The following UBA6 variants were observed in gnomAD, a reference collection of about 807,000 sequenced individuals.
The protein encoded by UBA6 is ubiquitin like modifier activating enzyme 6.
UBA6 carries 87 observed loss-of-function variants against 148.3 expected under a neutral mutation model. The ratio of observed to expected loss-of-function variants is 0.59; its 90% CI spans 0.49 to 0.70. The LOEUF (loss-of-function observed/expected upper bound fraction) is 0.70, where lower values mean the gene tolerates loss of function less well. Among genes scored for constraint, UBA6 ranks in the 30% least tolerant of loss-of-function variants. The probability of loss-of-function intolerance (pLI) is 0.00; values close to 1 mark genes in which losing one functional copy is unlikely to be tolerated. For synonymous variants in UBA6, 376 were observed against 401.0 expected (o/e 0.94, Z 0.75); for missense variants, 1,186 against 1,241.2 (o/e 0.96, Z 0.67).
intron 27 of UBA6, among the ~76,000 whole-genome samples, chr4:67,627,310 T>C (rs1324755510): frequency 6.6e-6 from 1 of 151,980 alleles, no homozygotes; most frequent in African/African-American, 2.4e-5. Flanking sequence ...GGCTAGTTGA[T>C]ATTTTTGGCT....
At chr4:67,687,040 T>TTG (rs1193832265) in intron 2 of UBA6, among the ~76,000 whole-genome samples, 1 of 144,878 alleles carries the variant, frequency 6.9e-6, no homozygotes, top group African/African-American at 2.6e-5. Context: ...CTATGTTTTT[T>TTG]TTTTTTTTTT....
intron 13 of UBA6, among the ~76,000 whole-genome samples, chr4:67,659,770 A>G (rs1420993630): frequency 6.6e-6 from 1 of 152,052 alleles, no homozygotes; most frequent in Non-Finnish European, 1.5e-5. Context: ...AGAGGTTGGA[A>G]TAGTTTGGAG....
chr4:67,678,553 A>T lies in UBA6; in HGVS notation c.259-20T>A, dbSNP rs1326468137. The T allele has an allele frequency of 3.3e-6, 5 of 1,503,544 alleles. No homozygotes were observed. The highest frequency in any genetic ancestry group is 4.6e-6 in the Non-Finnish European group (5 of 1,091,370). 93.1% of individuals were successfully genotyped at this position (1,503,544 alleles called of 1,614,324 possible). A position where few individuals can be genotyped will look rare whatever the true frequency, so the allele number is the denominator to read the frequency against. Reference sequence around the variant, plus strand: ...AACTGCCTTCAAAAAAGAAAAAAGTATTGGTTGAAGTCAGGAGTTCAAGGA... The same window carrying T: ...AACTGCCTTCAAAAAAGAAAAAAGTTTTGGTTGAAGTCAGGAGTTCAAGGA... On this transcript the variant is annotated intron_variant, in intron 4 of 32. Coordinates refer to ENST00000322244, the MANE Select transcript of UBA6 (RefSeq NM_018227.6).
At chr4:67,642,781 C>T (rs530064362) in intron 17 of UBA6, among the ~76,000 whole-genome samples, 9 of 151,936 alleles carry the variant, frequency 5.9e-5, no homozygotes, top group African/African-American at 2.2e-4. Context: ...ACTTGTCTTT[C>T]TTTAACTCTG....
rs1295503183 is a variant in UBA6 at position 67,618,911 on chromosome 4, T to C, written c.*86A>G. ...CTTAATGAAAGAGAAATCCATAGTA[T>C]TATGAACTGATTTTCTTTAGCTTCT... is the stretch of plus-strand genomic sequence containing the variant. On this transcript the variant is annotated 3_prime_UTR_variant, in exon 33 of 33. Coordinates refer to ENST00000322244, the MANE Select transcript of UBA6 (RefSeq NM_018227.6). The C allele has an allele frequency of 6.0e-6, 8 of 1,344,526 alleles. No individual in the cohort carries two copies. The highest frequency in any genetic ancestry group is 1.5e-5 in the African/African-American group (1 of 68,288). The allele number at this position is 1,344,526 out of a possible 1,614,324, so 83.3% of individuals were successfully genotyped here.
chr4:67,646,609 A>G, intron 15 of UBA6, 115 bp downstream of exon 15: 1 of 724,200 alleles, frequency 1.4e-6, no homozygotes, highest in Non-Finnish European at 2.3e-6. Context: ...AAGTAGAGAA[A>G]AAACAACTAC....
At position 67,619,001 on chromosome 4, in the gene UBA6, T is replaced by G; in HGVS notation, c.3155A>C (p.Asp1052Ala). 6.2e-7 allele frequency: 1 copy of G among 1,613,478 alleles called. No individual in the cohort carries two copies. The highest frequency in any genetic ancestry group is 8.5e-7 in the Non-Finnish European group (1 of 1,179,806). ...GTAACGTTAAGACAACTTGTATTAA[T>G]CAGTGTCATGACTGAAGTAGTATCT... ...PVRYYFSHDT[D>A] is the part of the protein sequence containing the mutation. The change falls in exon 33 of 33, where the codon GAT becomes GCT. Residue 1052 changes from aspartate (D) to alanine (A), a missense_variant. Asp to Ala is a moderately radical substitution (Grantham distance 126). Transcript: ENST00000322244.
At chr4:67,650,960 C>G (rs1456754531) in intron 13 of UBA6, among the ~76,000 whole-genome samples, 2 of 152,036 alleles carry the variant, frequency 1.3e-5, no homozygotes, top group Non-Finnish European at 1.5e-5. Context: ...TACCTCTCCA[C>G]CACAAAAAGG....
chr4:67,633,700 T>C (rs1729055569), intron 22 of UBA6, among the ~76,000 whole-genome samples: 1 of 152,158 alleles, frequency 6.6e-6, no homozygotes, highest in Non-Finnish European at 1.5e-5. Flanking sequence ...TCTGATTTCT[T>C]ATCTTACAAG....
intron 14 of UBA6, among the ~76,000 whole-genome samples, chr4:67,648,688 T>C (rs183750627): frequency 6.3e-4 from 96 of 152,190 alleles, no homozygotes; most frequent in African/African-American, 2.1e-3. Flanking sequence ...TGTAAGTTTA[T>C]ACCTAGAAAG....
At chr4:67,671,223 GCTA>G (rs1413517343) in intron 7 of UBA6, among the ~76,000 whole-genome samples, 1 of 152,120 alleles carries the variant, frequency 6.6e-6, no homozygotes. Context: ...TATTTTTAGA[GCTA>G]CTGCTAATAA....
At position 67,631,734 on chromosome 4, in the gene UBA6, T is replaced by G; in HGVS notation, c.2232A>C (p.Pro744=). Residue 744 remains proline (P), a synonymous_variant, in exon 25 of 33, where the codon CCA becomes CCC. Transcript: ENST00000322244. ...FWQSPKRPPS[P]IKFDLNEPLH... The stretch of plus-strand genomic sequence containing the variant: ...AAGGCTCATTTAAATCAAATTTTAT[T>G]GGAGAGGGTGGCCTCTTTGGTGACT... 6.2e-7 allele frequency: 1 copy of G among 1,610,398 alleles called. No individual in the cohort carries two copies. The highest frequency in any genetic ancestry group is 8.5e-7 in the Non-Finnish European group (1 of 1,178,402).
chr4:67,639,681 TAC>T (rs1457239073), intron 18 of UBA6, among the ~76,000 whole-genome samples: 1 of 152,164 alleles, frequency 6.6e-6, no homozygotes, highest in African/African-American at 2.4e-5. Context: ...TGCCTAAAAC[TAC>T]AGACAGTACC....
At chr4:67,677,865 A>T in intron 5 of UBA6, 143 bp from the exon 6 acceptor site, 1 of 503,752 alleles carries the variant, frequency 2.0e-6, no homozygotes, top group Non-Finnish European at 3.5e-6. Flanking sequence ...AAGAAACCAA[A>T]ACTTACTTGT....
intron 2 of UBA6, among the ~76,000 whole-genome samples, chr4:67,688,166 T>C (rs549813000): frequency 6.6e-6 from 1 of 152,274 alleles, no homozygotes; most frequent in Admixed American, 6.5e-5. Context: ...TATAGTGATC[T>C]CTACAAAGGA....
chr4:67,673,099 GAT>G (rs1318923962), intron 7 of UBA6, among the ~76,000 whole-genome samples: 1 of 152,052 alleles, frequency 6.6e-6, no homozygotes, highest in Non-Finnish European at 1.5e-5. Flanking sequence ...CCAATACATA[GAT>G]AGTCAATGAA....
chr4:67,687,034 G>GTTTTT (rs71219066), intron 2 of UBA6, among the ~76,000 whole-genome samples: 3 of 82,520 alleles, frequency 3.6e-5, no homozygotes, highest in African/African-American at 9.5e-5. Context: ...TTAAGACTAT[G>GTTTTT]TTTTTTTTTT....
chr4:67,623,370 C>T (rs1004920701), intron 30 of UBA6, 148 bp from the exon 31 acceptor site: 4 of 602,630 alleles, frequency 6.6e-6, no homozygotes, highest in Admixed American at 6.0e-5. Flanking sequence ...AATATATCTT[C>T]TAAAATATTC....
chr4:67,676,080 G>C (rs1234858667), intron 6 of UBA6, among the ~76,000 whole-genome samples: 4 of 142,828 alleles, frequency 2.8e-5, no homozygotes, highest in African/African-American at 1.0e-4. Context: ...CTGGAGTGCA[G>C]TGGCTCAATT....
Sources: gnomAD v4.1 joint callset for allele counts (sites outside exome capture counted in the v4.1 genomes callset) on GRCh38, gnomAD v4.1.1 for gene constraint, MANE v1.5 for transcripts, NCBI Gene and HGNC (gene_info 2026-07-23, HGNC 2026-07-21) for gene names.